The following ARHGAP6 variants were observed in gnomAD, a reference collection of about 807,000 sequenced individuals.
The protein encoded by ARHGAP6 is Rho GTPase activating protein 6.
A neutral mutation model predicts 55.7 loss-of-function variants in ARHGAP6; 16 were observed. That is an observed-to-expected ratio of 0.29 (90% CI 0.19 to 0.44). ARHGAP6 has a LOEUF of 0.44. ARHGAP6 is among the 20% of genes least tolerant of loss of function. The probability of loss-of-function intolerance (pLI) is 1.00; values close to 1 mark genes in which losing one functional copy is unlikely to be tolerated. For synonymous variants in ARHGAP6, 382 were observed against 360.9 expected, an observed-to-expected ratio of 1.06 and a Z score of -0.66; for missense variants, 698 against 808.9, an observed-to-expected ratio of 0.86 and a Z score of 1.66.
chrX:11,664,483 C>A lies in ARHGAP6; in HGVS notation c.346G>T (p.Gly116Cys). Residue 116 changes from glycine (G) to cysteine (C), a missense_variant, in exon 1 of 13, where the codon GGC becomes TGC. Physicochemically the swap from Gly to Cys is radical, Grantham distance 159. Transcript: ENST00000337414. Reference protein sequence around the residue: ...PSTPQEKSPSGSFHFDYEVPL... With the variant: ...PSTPQEKSPSCSFHFDYEVPL... ...ACCTCATAGTCAAAGTGAAAGCTGCCGGATGGTGACTTCTCCTGCGGGGTG... is the reference window on the plus strand; with the variant it reads ...ACCTCATAGTCAAAGTGAAAGCTGCAGGATGGTGACTTCTCCTGCGGGGTG... The A allele has an allele frequency of 4.1e-6, 5 of 1,209,266 alleles. No homozygotes were observed. The highest frequency in any genetic ancestry group is 5.6e-6 in the Non-Finnish European group (5 of 894,093).
intron 1 of ARHGAP6, among the ~76,000 whole-genome samples, chrX:11,484,335 G>A (rs1458106468): frequency 9.2e-6 from 1 of 108,608 alleles, no homozygotes; most frequent in Non-Finnish European, 1.9e-5. Context: ...TTTTAGAGAA[G>A]ATTAAGTAGG....
intron 1 of ARHGAP6, among the ~76,000 whole-genome samples, chrX:11,299,743 T>C (rs2048145415): frequency 8.9e-6 from 1 of 111,869 alleles, no homozygotes; most frequent in African/African-American, 3.2e-5. Flanking sequence ...ATACATGTTA[T>C]TGATGATTTG....
intron 1 of ARHGAP6, among the ~76,000 whole-genome samples, chrX:11,490,538 G>C (rs2050557207): frequency 8.9e-6 from 1 of 111,773 alleles, no homozygotes. Flanking sequence ...CCTGACCTAT[G>C]GAAACTGTGA....
intron 8 of ARHGAP6, 89 bp from the exon 9 acceptor site, chrX:11,169,773 C>CTT (rs759297343): frequency 3.7e-4 from 220 of 594,404 alleles, no homozygotes; most frequent in South Asian, 6.1e-4. Context: ...TTTTACTCTC[C>CTT]TTTTTTTTTT....
intron 1 of ARHGAP6, among the ~76,000 whole-genome samples, chrX:11,273,465 A>G (rs1260854654): frequency 9.1e-6 from 1 of 110,091 alleles, no homozygotes; most frequent in Non-Finnish European, 1.9e-5. Flanking sequence ...TGATATGAAC[A>G]TAAAGAACAT....
chrX:11,463,498 C>T (rs968538303), intron 1 of ARHGAP6, among the ~76,000 whole-genome samples: 3 of 111,042 alleles, frequency 2.7e-5, no homozygotes, highest in African/African-American at 9.9e-5. Context: ...ACCACCATAC[C>T]TGGCTAACTT....
chrX:11,432,397 C>T (rs2049948618), intron 1 of ARHGAP6, among the ~76,000 whole-genome samples: 1 of 112,100 alleles, frequency 8.9e-6, no homozygotes, highest in Admixed American at 9.4e-5. Context: ...CTGAAAACCA[C>T]ACTGCTTGAA....
chrX:11,392,843 C>T (rs967842049), intron 1 of ARHGAP6, among the ~76,000 whole-genome samples: 11 of 111,898 alleles, frequency 9.8e-5, no homozygotes, highest in African/African-American at 3.6e-4. Context: ...ACTGTACATA[C>T]ATTTGAACTT....
At chrX:11,541,522 C>A (rs1391448725) in intron 1 of ARHGAP6, among the ~76,000 whole-genome samples, 1 of 111,920 alleles carries the variant, frequency 8.9e-6, no homozygotes, top group Non-Finnish European at 1.9e-5. Flanking sequence ...GCAGTCCCTT[C>A]AGGATCAGCA....
intron 1 of ARHGAP6, among the ~76,000 whole-genome samples, chrX:11,581,782 G>C (rs748669540): frequency 1.8e-5 from 2 of 110,881 alleles, no homozygotes; most frequent in South Asian, 7.7e-4. Flanking sequence ...GGGGAAGGGG[G>C]AAATGAGAGT....
chrX:11,294,631 A>G (rs930513153), intron 1 of ARHGAP6: 1 of 629,571 alleles, frequency 1.6e-6, no homozygotes, highest in Non-Finnish European at 2.6e-6. Flanking sequence ...GCTGGAAATC[A>G]CATATGACTG....
intron 1 of ARHGAP6, among the ~76,000 whole-genome samples, chrX:11,520,674 C>T (rs940766820): frequency 2.7e-5 from 3 of 111,306 alleles, no homozygotes; most frequent in Non-Finnish European, 3.8e-5. Flanking sequence ...TGGGTATATA[C>T]CCAGTAATGC....
chrX:11,459,774 A>T (rs2050226432), intron 1 of ARHGAP6, among the ~76,000 whole-genome samples: 1 of 111,740 alleles, frequency 8.9e-6, no homozygotes, highest in Non-Finnish European at 1.9e-5. Context: ...TTTCTAATTC[A>T]TGGGCCAAGT....
intron 1 of ARHGAP6, chrX:11,318,790 C>T (rs1297018228): frequency 2.7e-5 from 3 of 113,045 alleles, no homozygotes; most frequent in Non-Finnish European, 5.6e-5. Context: ...GCTTCAAAAT[C>T]CTGTGAGGAT....
At chrX:11,609,715 A>G (rs954409650) in intron 1 of ARHGAP6, among the ~76,000 whole-genome samples, 1 of 112,333 alleles carries the variant, frequency 8.9e-6, no homozygotes, top group African/African-American at 3.2e-5. Context: ...CATCTGCTAC[A>G]TTCAGGACAC....
intron 1 of ARHGAP6, among the ~76,000 whole-genome samples, chrX:11,574,680 C>G (rs1344127869): frequency 2.7e-5 from 3 of 110,063 alleles, no homozygotes; most frequent in African/African-American, 9.9e-5. Flanking sequence ...CAGGGATGCC[C>G]TCTCTCACCA....
intron 1 of ARHGAP6, among the ~76,000 whole-genome samples, chrX:11,569,166 G>A (rs752257087): frequency 9.0e-6 from 1 of 111,503 alleles, no homozygotes; most frequent in African/African-American, 3.3e-5. Flanking sequence ...TCATGTGGCA[G>A]TGTCTGGAGA....
chrX:11,421,405 A>G (rs912760557), intron 1 of ARHGAP6, among the ~76,000 whole-genome samples: 6 of 111,511 alleles, frequency 5.4e-5, no homozygotes, highest in South Asian at 3.8e-4. Context: ...GCCTGTGGCA[A>G]CCCCTGCCAG....
In ARHGAP6 at chrX:11,236,779, T is replaced by C. The variant is rs1012480590; in HGVS notation, c.748+17769A>G. On this transcript the variant is annotated intron_variant, in intron 2 of 12. Transcript: ENST00000337414. ...CTCTCAAAATCACAGAACTGGTAGG[T>C]GGCAGGGCTGACATTCAATGCCAAA... Among the ~76,000 whole-genome samples the C allele has an allele frequency of 4.4e-5, 5 of 112,387 alleles. No individual in the cohort carries two copies. In the Admixed American group the frequency reaches 4.7e-4, roughly 11 times the overall value.
Sources: gnomAD v4.1 joint callset for allele counts (sites outside exome capture counted in the v4.1 genomes callset) on GRCh38, gnomAD v4.1.1 for gene constraint, MANE v1.5 for transcripts, NCBI Gene and HGNC (gene_info 2026-07-23, HGNC 2026-07-21) for gene names.